Variants in TSHZ2 observed in about 807,000 individuals in gnomAD.
TSHZ2 encodes the protein teashirt zinc finger homeobox 2.
TSHZ2 carries 21 observed loss-of-function variants against 74.4 expected under a neutral mutation model. The ratio of observed to expected loss-of-function variants is 0.28; its 90% confidence interval spans 0.20 to 0.41. The LOEUF (loss-of-function observed/expected upper bound fraction) is 0.41, where lower values mean the gene tolerates loss of function less well. Among genes scored for constraint, TSHZ2 ranks in the 10% least tolerant of loss-of-function variants. TSHZ2 has a pLI of 1.00. For missense variants in TSHZ2, 1,244 were observed against 1,293.5 expected (o/e 0.96, Z 0.59); for synonymous variants, 540 against 515.3 (o/e 1.05, Z -0.65).
chr20:53,325,815 A>G (rs1388275508), intron 2 of TSHZ2, among the ~76,000 whole-genome samples: 6 of 151,978 alleles, frequency 3.9e-5, no homozygotes, highest in African/African-American at 1.5e-4. Context: ...GGAGTCTCAC[A>G]CTGTCTCCCG....
At chr20:53,083,646 G>C (rs1484081824) in intron 1 of TSHZ2, among the ~76,000 whole-genome samples, 2 of 152,180 alleles carry the variant, frequency 1.3e-5, no homozygotes, top group African/African-American at 4.8e-5. Context: ...CCAGCTGTGA[G>C]ACATTCTGCA....
chr20:53,053,572 T>C (rs1984546165), intron 1 of TSHZ2, among the ~76,000 whole-genome samples: 1 of 68,028 alleles, frequency 1.5e-5, no homozygotes, highest in African/African-American at 8.0e-5. Context: ...TATGTATGTA[T>C]ATGTGTGTGT....
At chr20:53,462,567 G>T (rs559546411) in intron 2 of TSHZ2, among the ~76,000 whole-genome samples, 1 of 152,194 alleles carries the variant, frequency 6.6e-6, no homozygotes, top group South Asian at 2.1e-4. Context: ...AACCTTCTAC[G>T]CAAGCTTCCC....
intron 1 of TSHZ2, among the ~76,000 whole-genome samples, chr20:53,216,279 T>A (rs1457892080): frequency 2.6e-5 from 4 of 152,146 alleles, no homozygotes. Flanking sequence ...ACACCTCACT[T>A]CACCAGCCAA....
rs766526304 is a variant in TSHZ2 at position 53,256,571 on chromosome 20, G to A, written c.*8G>A. On this transcript the variant is annotated splice_region_variant and 3_prime_UTR_variant, in exon 2 of 3. Coordinates refer to ENST00000371497, the MANE Select transcript of TSHZ2 (RefSeq NM_173485.6). This position sits in a 1 kb window ranked among gnomAD's most constrained non-coding sequence, Gnocchi z 4.3. Reference sequence around the variant, plus strand: ...GACGTGGATGAAGAATAGCTCTGCAGGTATGGGTTTGCTCTGAGGCATTGC... The same window carrying A: ...GACGTGGATGAAGAATAGCTCTGCAAGTATGGGTTTGCTCTGAGGCATTGC... 5 of 1,569,168 alleles carry A rather than the reference G, an allele frequency of 3.2e-6. No individual in the cohort carries two copies. The highest frequency in any genetic ancestry group is 4.3e-6 in the Non-Finnish European group (5 of 1,153,288).
chr20:52,973,170 G>T lies in TSHZ2; in HGVS notation c.-124G>T, dbSNP rs1384138771. 7.1e-6 allele frequency: 9 copies of T among 1,266,498 alleles called. No individual in the cohort carries two copies. The highest frequency in any genetic ancestry group is 1.5e-5 in the African/African-American group (1 of 66,906). The allele number at this position is 1,266,498 out of a possible 1,614,324, so 78.5% of individuals were successfully genotyped here. A position where few individuals can be genotyped will look rare whatever the true frequency, so the allele number is the denominator to read the frequency against. ...GGGGATCGTCAGGGGGACAGAGGCC[G>T]AGTGACGTCCTAGGAGCCACCGGGC... On this transcript the variant is annotated 5_prime_UTR_variant, in exon 1 of 3. Coordinates refer to ENST00000371497, the MANE Select transcript of TSHZ2 (RefSeq NM_173485.6).
chr20:53,446,595 A>G (rs1281255179), intron 2 of TSHZ2, among the ~76,000 whole-genome samples: 4 of 143,286 alleles, frequency 2.8e-5, no homozygotes, highest in Admixed American at 7.0e-5. Context: ...AAAAAAAAAA[A>G]GAGAGAGAAG....
intron 1 of TSHZ2, among the ~76,000 whole-genome samples, chr20:53,172,478 T>C (rs1014095906): frequency 1.3e-5 from 2 of 152,200 alleles, no homozygotes; most frequent in East Asian, 3.8e-4. Flanking sequence ...GTTAACAGTT[T>C]AAGCTGCTCT....
At chr20:53,324,482 A>G (rs1364636858) in intron 2 of TSHZ2, among the ~76,000 whole-genome samples, 3 of 152,032 alleles carry the variant, frequency 2.0e-5, no homozygotes, top group African/African-American at 4.8e-5. Context: ...GGCTCAAGCA[A>G]TCCTCCCAAC....
chr20:53,244,124 T>C (rs376711662), intron 1 of TSHZ2, among the ~76,000 whole-genome samples: 29 of 152,252 alleles, frequency 1.9e-4, no homozygotes, highest in African/African-American at 6.5e-4. Context: ...AATTGGAATA[T>C]ATATCTGAAA....
intron 2 of TSHZ2, among the ~76,000 whole-genome samples, chr20:53,472,298 G>A (rs553749492): frequency 1.5e-4 from 23 of 152,232 alleles, no homozygotes; most frequent in Non-Finnish European, 2.9e-4. Flanking sequence ...GCAGGTGGCC[G>A]TGGAAATACA....
chr20:53,396,922 A>T lies in TSHZ2; in HGVS notation c.*9-90222A>T, dbSNP rs772363765. 2.0e-5 allele frequency among the ~76,000 whole-genome samples: 3 copies of T among 152,050 alleles called. 1 individual carries two copies. The East Asian group carries it at 5.8e-4, about 29-fold the overall frequency. ...ATCTCTAAAAATTACCAAGGCAAAC[A>T]TGTAGAAAGCTGAAACTGGATCCCT... On this transcript the variant is annotated intron_variant, in intron 2 of 2. Coordinates refer to ENST00000371497, the MANE Select transcript of TSHZ2 (RefSeq NM_173485.6).
intron 1 of TSHZ2, among the ~76,000 whole-genome samples, chr20:53,192,412 A>C (rs1189082290): frequency 6.6e-6 from 1 of 152,192 alleles, no homozygotes; most frequent in Non-Finnish European, 1.5e-5. Context: ...AGGGCCTGGC[A>C]CAGAGCAAAA....
intron 1 of TSHZ2, among the ~76,000 whole-genome samples, chr20:52,976,866 G>C (rs1275350813): frequency 1.3e-5 from 2 of 152,090 alleles, no homozygotes; most frequent in African/African-American, 2.4e-5. Context: ...ACTCTTAAAG[G>C]CTTTCTGATC....
chr20:53,445,848 CTA>C (rs1984525135), intron 2 of TSHZ2, among the ~76,000 whole-genome samples: 1 of 152,200 alleles, frequency 6.6e-6, no homozygotes, highest in Non-Finnish European at 1.5e-5. Flanking sequence ...CTTGTATTAT[CTA>C]TATGTCATGC....
chr20:53,344,109 G>T (rs931446577), intron 2 of TSHZ2, among the ~76,000 whole-genome samples: 4 of 151,578 alleles, frequency 2.6e-5, no homozygotes, highest in African/African-American at 9.7e-5. Flanking sequence ...AGATATTTAT[G>T]CTGATGCAAT....
In TSHZ2 at chr20:53,255,821, A is replaced by G. The variant is rs1243358036; in HGVS notation, c.2363A>G (p.Gln788Arg). 8 of 1,613,242 alleles carry G rather than the reference A, an allele frequency of 5.0e-6. No homozygotes were observed. Among genetic ancestry groups the G allele is most frequent in the Non-Finnish European group, 6.8e-6 (8 of 1,179,612 alleles). Residue 788 changes from glutamine to arginine, a missense_variant, in exon 2 of 3, where the codon CAG (glutamine) becomes CGG (arginine). Gln to Arg is a conservative substitution (Grantham distance 43). Coordinates refer to ENST00000371497, the MANE Select transcript of TSHZ2 (RefSeq NM_173485.6). The surrounding 1 kb of genome is among the most constrained non-coding windows in gnomAD (Gnocchi z 4.1). ...SQAQSCMSPP[Q>R]KHALSDIADM... The stretch of plus-strand genomic sequence containing the variant: ...GCACAATCTTGTATGTCCCCACCTC[A>G]GAAGCACGCTCTGTCTGACATCGCC...
At chr20:53,301,787 AAAGG>A (rs2145482144) in intron 2 of TSHZ2, among the ~76,000 whole-genome samples, 2 of 152,352 alleles carry the variant, frequency 1.3e-5, no homozygotes, top group South Asian at 4.1e-4. Flanking sequence ...GGTTTTTAAA[AAAGG>A]AACCTTCTAT....
intron 1 of TSHZ2, among the ~76,000 whole-genome samples, chr20:53,027,974 C>T (rs1338281688): frequency 2.0e-5 from 3 of 152,204 alleles, no homozygotes; most frequent in East Asian, 1.9e-4. Context: ...AAAAGTGGGG[C>T]ACTGCTGAAG....
Sources: gnomAD v4.1 joint callset for allele counts (sites outside exome capture counted in the v4.1 genomes callset) on GRCh38, gnomAD v4.1.1 for gene constraint, Gnocchi (gnomAD v3.1) non-coding constraint, MANE v1.5 for transcripts, NCBI Gene and HGNC (gene_info 2026-07-23, HGNC 2026-07-21) for gene names.